The following GRID2 variants were observed in gnomAD, a reference collection of about 807,000 sequenced individuals.
GRID2 encodes the protein glutamate receptor ionotropic, delta-2.
GRID2 carries 33 observed loss-of-function variants against 114.8 expected under a neutral mutation model. The ratio of observed to expected loss-of-function variants is 0.29; its 90% CI spans 0.22 to 0.38. The LOEUF is 0.38. GRID2 is among the 10% of genes least tolerant of loss of function. The pLI is 1.00. For missense variants in GRID2, 1,184 were observed against 1,257.7 expected, an observed-to-expected ratio of 0.94 and a Z score of 0.89; for synonymous variants, 505 against 449.9, an observed-to-expected ratio of 1.12 and a Z score of -1.55.
At chr4:92,615,760 T>A (rs1729977721) in intron 2 of GRID2, among the ~76,000 whole-genome samples, 1 of 151,616 alleles carries the variant, frequency 6.6e-6, no homozygotes, top group African/African-American at 2.4e-5. Context: ...CCTTATTAGT[T>A]TTTGTACTAT....
At chr4:92,854,061 C>T (rs1334715063) in intron 2 of GRID2, among the ~76,000 whole-genome samples, 1 of 151,092 alleles carries the variant, frequency 6.6e-6, no homozygotes, top group African/African-American at 2.4e-5. Context: ...CTCCAGAGTG[C>T]CAGAGGACCA....
chr4:93,764,559 G>A (rs1318390407), intron 14 of GRID2, among the ~76,000 whole-genome samples: 5 of 152,100 alleles, frequency 3.3e-5, no homozygotes, highest in African/African-American at 1.2e-4. Context: ...CACTGAGATC[G>A]TCACGTGTGG....
chr4:92,590,264 C>T lies in GRID2; in HGVS notation c.222C>T (p.Asn74=), dbSNP rs2149211060. The T allele has an allele frequency of 6.2e-7, 1 of 1,613,252 alleles. No homozygotes were observed. The highest frequency in any genetic ancestry group is 2.2e-5 in the East Asian group (1 of 44,802). ...TFSVTFVDGN[N]PFQAVQEACE... ...CAGTGACGTTTGTTGATGGCAACAACCCTTTCCAAGCAGTTCAAGAAGGTA... is the reference window on the plus strand; with the variant it reads ...CAGTGACGTTTGTTGATGGCAACAATCCTTTCCAAGCAGTTCAAGAAGGTA... Residue 74 remains asparagine (N), a synonymous_variant, in exon 2 of 16, where the codon AAC becomes AAT. Transcript: ENST00000282020.
At chr4:93,092,711 C>T (rs779290153) in intron 3 of GRID2, among the ~76,000 whole-genome samples, 3 of 152,008 alleles carry the variant, frequency 2.0e-5, no homozygotes, top group Non-Finnish European at 4.4e-5. Context: ...TCTTGATATA[C>T]TTCCACAATT....
At chr4:92,584,865 G>A (rs1452114196) in intron 1 of GRID2, among the ~76,000 whole-genome samples, 1 of 151,918 alleles carries the variant, frequency 6.6e-6, no homozygotes, top group Admixed American at 6.6e-5. Context: ...GTAACCTTTG[G>A]CTGTGTAATT....
In GRID2 at chr4:93,704,082, C is replaced by T. The variant is rs181728077; in HGVS notation, c.2361-65128C>T. On this transcript the variant is annotated intron_variant, in intron 14 of 15. Coordinates refer to ENST00000282020, the MANE Select transcript of GRID2 (RefSeq NM_001510.4). The stretch of plus-strand genomic sequence containing the variant: ...TGAGGAATCGCCACACTGACTTCCA[C>T]AATGGTTGAACTAGTTGGCAGTCCC... 2.7e-3 allele frequency among the ~76,000 whole-genome samples: 404 copies of T among 152,260 alleles called. 4 individuals are homozygous for T. Among genetic ancestry groups the T allele is most frequent in the African/African-American group, 9.3e-3 (386 of 41,552 alleles).
At chr4:92,390,857 A>C (rs1423256758) in intron 1 of GRID2, among the ~76,000 whole-genome samples, 1 of 152,194 alleles carries the variant, frequency 6.6e-6, no homozygotes, top group Non-Finnish European at 1.5e-5. Context: ...TCACTAAGAT[A>C]AAAGTTCCAT....
At chr4:93,231,220 G>T (rs1746095790) in intron 7 of GRID2, among the ~76,000 whole-genome samples, 1 of 151,846 alleles carries the variant, frequency 6.6e-6, no homozygotes, top group Non-Finnish European at 1.5e-5. Flanking sequence ...TATTTAAATA[G>T]AAATCATTTT....
At chr4:93,156,060 G>A (rs910197787) in intron 4 of GRID2, among the ~76,000 whole-genome samples, 6 of 151,280 alleles carry the variant, frequency 4.0e-5, no homozygotes, top group African/African-American at 1.5e-4. Context: ...ATTGTATGCC[G>A]GTATCAGAAT....
chr4:92,449,654 AAT>A (rs1410762498), intron 1 of GRID2, among the ~76,000 whole-genome samples: 3 of 125,568 alleles, frequency 2.4e-5, no homozygotes, highest in Non-Finnish European at 5.0e-5. Context: ...AATATAATCA[AAT>A]ATGTCTATCT....
intron 1 of GRID2, among the ~76,000 whole-genome samples, chr4:92,558,525 C>T (rs1726971317): frequency 6.6e-6 from 1 of 152,136 alleles, no homozygotes; most frequent in African/African-American, 2.4e-5. Flanking sequence ...CTCTACCGTC[C>T]ATTCTTTAAA....
intron 12 of GRID2, among the ~76,000 whole-genome samples, chr4:93,512,892 C>T (rs1729335486): frequency 6.6e-6 from 1 of 152,078 alleles, no homozygotes; most frequent in Non-Finnish European, 1.5e-5. Flanking sequence ...CATTTGATTT[C>T]AGTTTTCTTT....
intron 2 of GRID2, among the ~76,000 whole-genome samples, chr4:92,778,858 T>A (rs1738929746): frequency 6.6e-6 from 1 of 152,072 alleles, no homozygotes. Context: ...TGCTGGTTCA[T>A]GCCTTAAAGA....
chr4:93,215,944 A>G (rs1471348028), intron 5 of GRID2, among the ~76,000 whole-genome samples: 1 of 152,076 alleles, frequency 6.6e-6, no homozygotes. Context: ...AAGGTTCCAA[A>G]TGAACACTAT....
intron 2 of GRID2, among the ~76,000 whole-genome samples, chr4:92,943,522 G>A (rs1212287760): frequency 2.0e-5 from 3 of 151,672 alleles, no homozygotes; most frequent in Non-Finnish European, 4.4e-5. Flanking sequence ...CCATGGGTTC[G>A]AACTTCCTCC....
At chr4:93,377,296 C>T (rs144480002) in intron 8 of GRID2, among the ~76,000 whole-genome samples, 64 of 152,070 alleles carry the variant, frequency 4.2e-4, no homozygotes, top group African/African-American at 1.5e-3. Flanking sequence ...GTATTTTAAA[C>T]TTTGTAAATG....
chr4:93,656,847 AAAAAAAAAAAC>A (rs1321063496), intron 14 of GRID2, among the ~76,000 whole-genome samples: 48 of 148,288 alleles, frequency 3.2e-4, no homozygotes, highest in Non-Finnish European at 6.4e-4. Flanking sequence ...AAAAAAAAAA[AAAAAAAAAAAC>A]AAATAATTCC....
At chr4:92,950,963 T>C (rs1488255538) in intron 2 of GRID2, among the ~76,000 whole-genome samples, 1 of 152,180 alleles carries the variant, frequency 6.6e-6, no homozygotes, top group Non-Finnish European at 1.5e-5. Context: ...AAGGTTTGGT[T>C]CTTATTTACT....
chr4:92,377,936 A>G (rs1729432442), intron 1 of GRID2, among the ~76,000 whole-genome samples: 1 of 152,162 alleles, frequency 6.6e-6, no homozygotes, highest in Non-Finnish European at 1.5e-5. Flanking sequence ...AAACTATATC[A>G]CTACCCAATA....
Sources: allele counts gnomAD v4.1 joint callset (sites outside exome capture counted in the v4.1 genomes callset), GRCh38; gene constraint gnomAD v4.1.1; transcripts MANE v1.5; gene names NCBI Gene and HGNC (gene_info 2026-07-23, HGNC 2026-07-21).